Variants in ALMS1 observed in about 807,000 individuals in gnomAD.
ALMS1 encodes the protein ALMS1 centrosome and basal body associated protein.
In ALMS1, 271 loss-of-function variants were observed where a neutral mutation model predicts 352.2. The ratio of observed to expected loss-of-function variants is 0.77; its 90% confidence interval spans 0.70 to 0.85. The LOEUF (loss-of-function observed/expected upper bound fraction) is 0.85. Ranked by LOEUF, ALMS1 falls within the 40% of genes least tolerant of loss-of-function variation. The pLI is 0.00. For missense variants in ALMS1, 5,445 were observed against 4,870.7 expected (o/e 1.12, Z -3.51); for synonymous variants, 1,865 against 1,761.2 (o/e 1.06, Z -1.48).
chr2:73,574,728 A>G (rs1675016831), intron 16 of ALMS1, among the ~76,000 whole-genome samples: 2 of 152,160 alleles, frequency 1.3e-5, no homozygotes, highest in South Asian at 4.1e-4. Flanking sequence ...AGATAGATAA[A>G]TGGATCCAGG....
At chr2:73,506,693 G>T (rs1337405965) in intron 10 of ALMS1, among the ~76,000 whole-genome samples, 1 of 152,170 alleles carries the variant, frequency 6.6e-6, no homozygotes, top group Non-Finnish European at 1.5e-5. Flanking sequence ...AGATGATGGG[G>T]TTCTCTAAAT....
chr2:73,563,054 A>T (rs530484120), intron 15 of ALMS1, among the ~76,000 whole-genome samples: 24 of 152,034 alleles, frequency 1.6e-4, no homozygotes, highest in African/African-American at 5.5e-4. Flanking sequence ...AAGACAGCAA[A>T]GCATGCAAGT....
chr2:73,529,877 A>G (rs1049156746), intron 11 of ALMS1, among the ~76,000 whole-genome samples: 1 of 152,080 alleles, frequency 6.6e-6, no homozygotes, highest in African/African-American at 2.4e-5. Context: ...AGAGAGTGAG[A>G]TCTCAGGGAT....
chr2:73,565,611 A>G (rs1674785717), intron 15 of ALMS1, among the ~76,000 whole-genome samples: 1 of 152,192 alleles, frequency 6.6e-6, no homozygotes, highest in African/African-American at 2.4e-5. Context: ...GGAAGGGGGA[A>G]AAAGAATAAC....
chr2:73,404,009 C>G (rs1018893714), intron 1 of ALMS1, among the ~76,000 whole-genome samples: 1 of 152,176 alleles, frequency 6.6e-6, no homozygotes, highest in African/African-American at 2.4e-5. Context: ...AAGTGATTCT[C>G]CTGCCTCAGC....
intron 1 of ALMS1, among the ~76,000 whole-genome samples, chr2:73,388,162 C>G (rs1159965760): frequency 6.6e-6 from 1 of 152,190 alleles, no homozygotes; most frequent in Non-Finnish European, 1.5e-5. Flanking sequence ...ATTAAAGCCA[C>G]ACTTGTTGAC....
chr2:73,506,792 C>T (rs1318227587), intron 10 of ALMS1, among the ~76,000 whole-genome samples: 2 of 152,140 alleles, frequency 1.3e-5, no homozygotes, highest in African/African-American at 2.4e-5. Flanking sequence ...GCCCGATTGC[C>T]CTGGCCAGAA....
At chr2:73,492,247 C>T (rs531016962) in intron 10 of ALMS1, among the ~76,000 whole-genome samples, 3 of 151,988 alleles carry the variant, frequency 2.0e-5, no homozygotes, top group Non-Finnish European at 2.9e-5. Context: ...GAAGAGGCAT[C>T]GTACCACAGT....
Position 73,572,759 on chromosome 2 carries a change from C to T in ALMS1, c.10882C>T (p.Arg3628Ter), listed in dbSNP as rs1473611414. The T allele has an allele frequency of 9.3e-6, 15 of 1,613,994 alleles. No individual in the cohort carries two copies. The highest frequency in any genetic ancestry group is 2.2e-5 in the East Asian group (1 of 44,876). Residue 3628 changes from arginine (R) to a stop codon, truncating the protein, a stop_gained, in exon 16 of 23, where the codon CGA becomes TGA. Transcript: ENST00000613296. LOFTEE classifies it high-confidence loss of function. ...GDRKELSLVD[R>*]LDRLAKILQN... is the part of the protein sequence containing the mutation. The stretch of plus-strand genomic sequence containing the variant: ...CAGGAAAGAACTGTCCTTGGTGGAC[C>T]GACTTGATCGTTTGGCTAAAATTCT...
At chr2:73,591,655 A>C (rs2104164293) in intron 16 of ALMS1, among the ~76,000 whole-genome samples, 1 of 152,338 alleles carries the variant, frequency 6.6e-6, no homozygotes, top group Middle Eastern at 3.4e-3. Flanking sequence ...AGCTAGATGG[A>C]TCTGACCCCA....
At chr2:73,459,647 C>T (rs527718043) in intron 9 of ALMS1, among the ~76,000 whole-genome samples, 35 of 152,270 alleles carry the variant, frequency 2.3e-4, no homozygotes, top group African/African-American at 7.2e-4. Context: ...TTATCCCACA[C>T]TTGCCCACTG....
At chr2:73,428,097 CATTTTTTA>C (rs1282436553) in intron 6 of ALMS1, among the ~76,000 whole-genome samples, 1 of 152,020 alleles carries the variant, frequency 6.6e-6, no homozygotes, top group African/African-American at 2.4e-5. Flanking sequence ...CCAAACTAGG[CATTTTTTA>C]ATTTTAATCT....
chr2:73,499,721 GC>G (rs1673182490), intron 10 of ALMS1, among the ~76,000 whole-genome samples: 1 of 152,090 alleles, frequency 6.6e-6, no homozygotes, highest in Non-Finnish European at 1.5e-5. Context: ...TTGATCCCCA[GC>G]ATTAGAGGTG....
chr2:73,590,736 T>TGGAAAGATCTC (rs1675414636), intron 16 of ALMS1, among the ~76,000 whole-genome samples: 1 of 147,944 alleles, frequency 6.8e-6, no homozygotes, highest in African/African-American at 2.5e-5. Flanking sequence ...TGGAGTGCAG[T>TGGAAAGATCTC]GGAAAGATCT....
intron 2 of ALMS1, among the ~76,000 whole-genome samples, chr2:73,413,652 C>A (rs13383703): frequency 6.8e-4 from 104 of 152,254 alleles, no homozygotes; most frequent in African/African-American, 2.5e-3. Flanking sequence ...AACTGAGAAC[C>A]GCTTTTTCAG....
chr2:73,453,173 G>A lies in ALMS1; in HGVS notation c.6646G>A (p.Val2216Ile). 2 of 1,614,062 alleles carry A rather than the reference G, an allele frequency of 1.2e-6. No homozygotes were observed. The highest frequency in any genetic ancestry group is 1.7e-6 in the Non-Finnish European group (2 of 1,179,990). The change falls in exon 8 of 23, where the codon GTT (valine) becomes ATT (isoleucine). Residue 2216 changes from valine (V) to isoleucine (I), a missense_variant. Physicochemically the swap from Val to Ile is conservative, Grantham distance 29. Coordinates refer to ENST00000613296, the MANE Select transcript of ALMS1 (RefSeq NM_001378454.1). ...IDNLNSSDSSVSSNNVLLNSQ... is the reference protein window; with the variant it reads ...IDNLNSSDSSISSNNVLLNSQ... ...TAATTTGAATTCTTCTGACTCCAGT[G>A]TTAGCTCAAATAATGTGCTTTTAAA...
At chr2:73,552,671 G>T (rs1674464268) in intron 13 of ALMS1, among the ~76,000 whole-genome samples, 1 of 152,134 alleles carries the variant, frequency 6.6e-6, no homozygotes, top group African/African-American at 2.4e-5. Context: ...CCCTCCTCCT[G>T]GCTTAGTCCT....
At chr2:73,590,323 A>G (rs1675401665) in intron 16 of ALMS1, among the ~76,000 whole-genome samples, 1 of 152,192 alleles carries the variant, frequency 6.6e-6, no homozygotes, top group Non-Finnish European at 1.5e-5. Flanking sequence ...GTAAAACTTC[A>G]TTGTCAAAAC....
intron 9 of ALMS1, among the ~76,000 whole-genome samples, chr2:73,488,327 C>T (rs556986223): frequency 2.6e-5 from 4 of 152,284 alleles, no homozygotes; most frequent in South Asian, 2.1e-4. Context: ...CCCAAGTGTG[C>T]GCACACCTGG....
Sources: allele counts gnomAD v4.1 joint callset (sites outside exome capture counted in the v4.1 genomes callset), GRCh38; gene constraint gnomAD v4.1.1; transcripts MANE v1.5; gene names NCBI Gene and HGNC (gene_info 2026-07-23, HGNC 2026-07-21).